Variants in DENND5A observed in about 807,000 individuals in gnomAD.
The protein encoded by DENND5A is DENN domain-containing protein 5A.
Under a neutral mutation model 140.3 loss-of-function variants are expected in DENND5A, and 64 were observed. The observed-to-expected ratio is 0.46, with a 90% CI of 0.37 to 0.56. The LOEUF is 0.56. DENND5A is among the 20% of genes least tolerant of loss of function. The pLI is 0.00. For missense variants in DENND5A, 1,292 were observed against 1,593.8 expected (o/e 0.81, Z 3.22); for synonymous variants, 605 against 607.7 (o/e 1.00, Z 0.07).
At chr11:9,244,859 T>C (rs997307007) in intron 1 of DENND5A, among the ~76,000 whole-genome samples, 2 of 151,964 alleles carry the variant, frequency 1.3e-5, no homozygotes, top group Non-Finnish European at 2.9e-5. Flanking sequence ...TCTTTATTCA[T>C]AGAGACAGGG....
At chr11:9,204,400 A>C (rs544405666) in intron 3 of DENND5A, 83 bp from the exon 4 acceptor site, 1 of 1,339,184 alleles carries the variant, frequency 7.5e-7, no homozygotes, top group South Asian at 1.4e-5. Context: ...TTATTTATTT[A>C]TAGAGCACCT....
intron 5 of DENND5A, among the ~76,000 whole-genome samples, chr11:9,185,664 C>A (rs1419523044): frequency 6.6e-6 from 1 of 152,098 alleles, no homozygotes; most frequent in Non-Finnish European, 1.5e-5. Flanking sequence ...TATCCCAGAA[C>A]TTAAGATGTA....
chr11:9,193,398 T>TA, intron 5 of DENND5A, 96 bp downstream of exon 5: 1 of 976,270 alleles, frequency 1.0e-6, no homozygotes, highest in Non-Finnish European at 1.4e-6. Context: ...TAGAAGAAAA[T>TA]AAACTTGGTA....
intron 14 of DENND5A, 54 bp from the exon 15 acceptor site, chr11:9,150,263 T>C (rs1847572278): frequency 3.8e-6 from 6 of 1,592,832 alleles, no homozygotes. Flanking sequence ...ATGAACTCAC[T>C]GCCAATAACT....
intron 22 of DENND5A, among the ~76,000 whole-genome samples, chr11:9,141,339 G>A (rs910932594): frequency 5.3e-5 from 8 of 152,132 alleles, no homozygotes; most frequent in Admixed American, 1.3e-4. Context: ...TCCCTACCCC[G>A]ACAGATCACC....
At chr11:9,212,543 C>T (rs1252430879) in intron 1 of DENND5A, among the ~76,000 whole-genome samples, 1 of 151,768 alleles carries the variant, frequency 6.6e-6, no homozygotes, top group Non-Finnish European at 1.5e-5. Flanking sequence ...AAAGGATACA[C>T]ATTATATTCA....
At chr11:9,247,438 A>G (rs577605112) in intron 1 of DENND5A, among the ~76,000 whole-genome samples, 5 of 152,228 alleles carry the variant, frequency 3.3e-5, no homozygotes, top group African/African-American at 4.8e-5. Context: ...AGGAGTTTAT[A>G]ATACAGCTCT....
At chr11:9,241,060 T>C (rs946091296) in intron 1 of DENND5A, among the ~76,000 whole-genome samples, 19 of 152,216 alleles carry the variant, frequency 1.2e-4, no homozygotes, top group African/African-American at 4.6e-4. Context: ...GTTTGTGTAT[T>C]CTTCCCCTCA....
At chr11:9,179,491 C>CA (rs1564899442) in intron 6 of DENND5A, among the ~76,000 whole-genome samples, 1 of 146,438 alleles carries the variant, frequency 6.8e-6, no homozygotes, top group Non-Finnish European at 1.5e-5. Flanking sequence ...CTTCTTTCTG[C>CA]AAAAAAACCT....
intron 1 of DENND5A, among the ~76,000 whole-genome samples, chr11:9,259,394 TA>T (rs1319826364): frequency 5.8e-4 from 79 of 137,138 alleles, no homozygotes; most frequent in Non-Finnish European, 5.3e-4. Context: ...CCATCTCTAC[TA>T]AAAAAAAAAA....
chr11:9,244,037 G>A (rs544356730), intron 1 of DENND5A, among the ~76,000 whole-genome samples: 1 of 152,270 alleles, frequency 6.6e-6, no homozygotes, highest in South Asian at 2.1e-4. Context: ...TCAGCAGTAG[G>A]CTGTTAGTAA....
chr11:9,186,715 T>C (rs1167499333), intron 5 of DENND5A, among the ~76,000 whole-genome samples: 1 of 152,212 alleles, frequency 6.6e-6, no homozygotes, highest in Non-Finnish European at 1.5e-5. Context: ...TAAGATAAGA[T>C]AGGACCCTCT....
At chr11:9,248,553 G>C (rs1425225125) in intron 1 of DENND5A, among the ~76,000 whole-genome samples, 2 of 152,002 alleles carry the variant, frequency 1.3e-5, no homozygotes, top group Non-Finnish European at 2.9e-5. Context: ...TACTCCAGAG[G>C]CTGAGTAGGA....
intron 1 of DENND5A, among the ~76,000 whole-genome samples, chr11:9,224,198 A>C (rs923966239): frequency 6.6e-6 from 1 of 152,242 alleles, no homozygotes; most frequent in Non-Finnish European, 1.5e-5. Flanking sequence ...ATCTCAAAAA[A>C]TAAAGTAAAA....
intron 5 of DENND5A, among the ~76,000 whole-genome samples, chr11:9,183,968 T>C (rs1214461440): frequency 6.7e-6 from 1 of 149,172 alleles, no homozygotes; most frequent in Non-Finnish European, 1.5e-5. Context: ...GGAGAATCGC[T>C]TGAACCTGGG....
At chr11:9,247,473 C>T (rs1851527595) in intron 1 of DENND5A, among the ~76,000 whole-genome samples, 1 of 151,504 alleles carries the variant, frequency 6.6e-6, no homozygotes, top group Non-Finnish European at 1.5e-5. Context: ...TTCATACTGA[C>T]CTATGGCTTT....
rs200076027 is a variant in DENND5A at position 9,139,861 on chromosome 11, G to A, written c.3681-7C>T. ...GTGGTGTAGGAGGTGATCTCTGGCA[G>A]AGCGGGAGCAGTCCAGGCAGGTCAG... On this transcript the variant is annotated splice_region_variant and splice_polypyrimidine_tract_variant and intron_variant, in intron 22 of 22. Transcript: ENST00000328194. The A allele has an allele frequency of 1.2e-6, 2 of 1,613,292 alleles. No individual in the cohort carries two copies. The highest frequency in any genetic ancestry group is 1.7e-6 in the Non-Finnish European group (2 of 1,179,634).
intron 1 of DENND5A, among the ~76,000 whole-genome samples, chr11:9,252,049 C>T (rs951713662): frequency 1.3e-5 from 2 of 150,254 alleles, no homozygotes; most frequent in African/African-American, 2.5e-5. Flanking sequence ...CCTGTAATCT[C>T]AGCACTTTGG....
intron 4 of DENND5A, among the ~76,000 whole-genome samples, chr11:9,195,718 T>G (rs1849301222): frequency 6.6e-6 from 1 of 152,220 alleles, no homozygotes; most frequent in Admixed American, 6.5e-5. Context: ...GCTTTGAAAG[T>G]TGCCTATCAC....
Sources: gnomAD v4.1 joint callset for allele counts (sites outside exome capture counted in the v4.1 genomes callset) on GRCh38, gnomAD v4.1.1 for gene constraint, MANE v1.5 for transcripts, NCBI Gene and HGNC (gene_info 2026-07-23, HGNC 2026-07-21) for gene names.